MLLT10: variants seen among roughly 807,000 people sequenced by gnomAD.
The protein encoded by MLLT10 is MLLT10 histone lysine methyltransferase DOT1L cofactor.
In MLLT10, 30 loss-of-function variants were observed where a neutral mutation model predicts 129.1. The observed-to-expected ratio is 0.23, with a 90% CI of 0.17 to 0.32. The LOEUF (loss-of-function observed/expected upper bound fraction) is 0.32. MLLT10 is among the 10% of genes least tolerant of loss of function. The probability of loss-of-function intolerance (pLI) is 1.00; values close to 1 mark genes in which losing one functional copy is unlikely to be tolerated. For missense variants in MLLT10, 1,119 were observed against 1,268.3 expected (o/e 0.88, Z 1.79); for synonymous variants, 490 against 446.4 (o/e 1.10, Z -1.23).
chr10:21,565,601 C>T (rs2039447531), intron 3 of MLLT10, among the ~76,000 whole-genome samples: 2 of 148,988 alleles, frequency 1.3e-5, no homozygotes, highest in Admixed American at 1.3e-4. Flanking sequence ...GCCACTGTGC[C>T]TGGCCTTTTT....
intron 10 of MLLT10, among the ~76,000 whole-genome samples, chr10:21,671,595 A>C (rs895214847): frequency 2.4e-4 from 36 of 152,238 alleles, no homozygotes; most frequent in African/African-American, 8.7e-4. Context: ...AGACCAGCCT[A>C]GGCAACATGG....
chr10:21,585,750 T>C (rs973307313), intron 3 of MLLT10, among the ~76,000 whole-genome samples: 1 of 152,126 alleles, frequency 6.6e-6, no homozygotes, highest in Non-Finnish European at 1.5e-5. Context: ...ATTTAAAAAA[T>C]TGTGGCAGGA....
chr10:21,688,401 T>C, intron 13 of MLLT10: 6 of 1,077,640 alleles, frequency 5.6e-6, no homozygotes, highest in Non-Finnish European at 8.5e-6. Flanking sequence ...CACCCCATCA[T>C]AATATCTTCA....
At chr10:21,568,753 C>T (rs145039597) in intron 3 of MLLT10, among the ~76,000 whole-genome samples, 15 of 152,312 alleles carry the variant, frequency 9.8e-5, no homozygotes, top group Admixed American at 2.6e-4. Flanking sequence ...TTCTCTGCCT[C>T]AGCCTCCTGA....
chr10:21,722,355 T>C (rs1411610823), intron 14 of MLLT10, among the ~76,000 whole-genome samples: 2 of 152,230 alleles, frequency 1.3e-5, no homozygotes, highest in Non-Finnish European at 1.5e-5. Flanking sequence ...TTCTAGTCTT[T>C]GTACCAGATC....
At chr10:21,644,442 A>G (rs1287874360) in intron 8 of MLLT10, among the ~76,000 whole-genome samples, 7 of 152,120 alleles carry the variant, frequency 4.6e-5, no homozygotes, top group African/African-American at 1.7e-4. Flanking sequence ...TGAGGGGTGC[A>G]GTATAGAAGC....
chr10:21,580,801 A>G (rs541717760), intron 3 of MLLT10, among the ~76,000 whole-genome samples: 27 of 150,104 alleles, frequency 1.8e-4, no homozygotes, highest in Non-Finnish European at 3.1e-4. Flanking sequence ...TCCTGGGTTC[A>G]TGGAATTCTC....
chr10:21,542,204 C>T lies in MLLT10; in HGVS notation c.240+3292C>T, dbSNP rs564429590. ...CATTTGCCTCAAATGCCACTTGTTACGTGCTTCCACTCTTTTATTCTCTCT... is the reference window on the plus strand; with the variant it reads ...CATTTGCCTCAAATGCCACTTGTTATGTGCTTCCACTCTTTTATTCTCTCT... On this transcript the variant is annotated intron_variant, in intron 3 of 22. Transcript: ENST00000307729. 6.6e-5 allele frequency among the ~76,000 whole-genome samples: 10 copies of T among 152,218 alleles called. No individual in the cohort carries two copies. The East Asian group carries it at 1.5e-3, about 23-fold the overall frequency.
rs546150394 is a variant in MLLT10 at position 21,743,314 on chromosome 10, ATC to A, written c.*1333_*1334del. Reference sequence around the variant, plus strand: ...CATTTCTGTAAATAAAGTTTTGTGAATCTGTTTTGTATTGTGACAAATTCATA... The same window carrying A: ...CATTTCTGTAAATAAAGTTTTGTGAATGTTTTGTATTGTGACAAATTCATA... On this transcript the variant is annotated 3_prime_UTR_variant, in exon 23 of 23. Coordinates refer to ENST00000307729, the MANE Select transcript of MLLT10 (RefSeq NM_001195626.3). The A allele has an allele frequency of 4.5e-5, 10 of 222,356 alleles. 1 individual carries two copies. In the South Asian group the frequency reaches 1.8e-3, roughly 41 times the overall value. 13.8% of individuals were successfully genotyped at this position (222,356 alleles called of 1,614,324 possible). A position where few individuals can be genotyped will look rare whatever the true frequency, so the allele number is the denominator to read the frequency against.
intron 9 of MLLT10, chr10:21,668,774 A>G: frequency 3.3e-6 from 1 of 305,800 alleles, no homozygotes; most frequent in Non-Finnish European, 4.8e-6. Context: ...TCTAATGTAG[A>G]TTGTCATGTG....
intron 8 of MLLT10, chr10:21,626,205 G>A (rs1564532478): frequency 6.2e-7 from 1 of 1,600,278 alleles, no homozygotes; most frequent in South Asian, 1.1e-5. Context: ...AACTGCTGTA[G>A]TACAGACAGA....
chr10:21,707,499 A>G (rs2055649591), intron 13 of MLLT10, among the ~76,000 whole-genome samples: 2 of 152,048 alleles, frequency 1.3e-5, no homozygotes. Context: ...CCAAGTTTAG[A>G]TGATTCTAAT....
chr10:21,555,287 A>G (rs2037749464), intron 3 of MLLT10, among the ~76,000 whole-genome samples: 1 of 152,032 alleles, frequency 6.6e-6, no homozygotes, highest in Admixed American at 6.6e-5. Context: ...CAGTGGTGTG[A>G]TCTTGGCTCA....
At chr10:21,618,253 A>G (rs1224413024) in intron 8 of MLLT10, among the ~76,000 whole-genome samples, 2 of 152,094 alleles carry the variant, frequency 1.3e-5, no homozygotes, top group Admixed American at 1.3e-4. Flanking sequence ...TCAAGCTTGT[A>G]AGCCCAGCAC....
chr10:21,669,631 C>A (rs762476076), intron 9 of MLLT10, among the ~76,000 whole-genome samples: 2 of 152,054 alleles, frequency 1.3e-5, no homozygotes, highest in Non-Finnish European at 2.9e-5. Flanking sequence ...AAATCTTTGC[C>A]CTTATGGACT....
chr10:21,718,047 G>A (rs2056876559), intron 14 of MLLT10, among the ~76,000 whole-genome samples: 1 of 152,076 alleles, frequency 6.6e-6, no homozygotes, highest in Non-Finnish European at 1.5e-5. Flanking sequence ...GTTTCACCAT[G>A]TTGGTCAGGC....
chr10:21,573,439 C>T (rs1006266588), intron 3 of MLLT10, among the ~76,000 whole-genome samples: 1 of 152,078 alleles, frequency 6.6e-6, no homozygotes, highest in African/African-American at 2.4e-5. Flanking sequence ...TGAGTAGCTT[C>T]CTGAGGGTTT....
At chr10:21,617,259 T>A (rs556174256) in intron 8 of MLLT10, 52 bp downstream of exon 8, 1 of 1,000,882 alleles carries the variant, frequency 1.0e-6, no homozygotes, top group African/African-American at 1.6e-5. Context: ...TAATAGAATT[T>A]TTTTTTGCCT....
In MLLT10 at chr10:21,671,967, C is replaced by CA. The variant is rs1326394381; in HGVS notation, c.1051+1269dup. Among the ~76,000 whole-genome samples, 8 of 152,040 alleles carry CA rather than the reference C, an allele frequency of 5.3e-5. No homozygotes were observed. In the East Asian group the frequency reaches 1.5e-3, roughly 29 times the overall value. On this transcript the variant is annotated intron_variant, in intron 10 of 22. Coordinates refer to ENST00000307729, the MANE Select transcript of MLLT10 (RefSeq NM_001195626.3). ...GACCCTGCCTCAAAAAACAAACAAA[C>CA]AAAAAACCAAAAACAAACAATAAAA...
Sources: allele counts gnomAD v4.1 joint callset (sites outside exome capture counted in the v4.1 genomes callset), GRCh38; gene constraint gnomAD v4.1.1; transcripts MANE v1.5; gene names NCBI Gene and HGNC (gene_info 2026-07-23, HGNC 2026-07-21).